The following BST1 variants were observed in gnomAD, a reference collection of about 807,000 sequenced individuals.
BST1 encodes the protein bone marrow stromal cell antigen 1.
BST1 carries 49 observed loss-of-function variants against 40.6 expected under a neutral mutation model. That is an observed-to-expected ratio of 1.21 (90% confidence interval 0.96 to 1.53). The LOEUF (loss-of-function observed/expected upper bound fraction) is 1.53. BST1 is among the 40% of genes most tolerant of loss of function. The pLI, the probability that BST1 is intolerant of heterozygous loss-of-function variation, is 0.00. For missense variants in BST1, 423 were observed against 395.9 expected (o/e 1.07, Z -0.58); for synonymous variants, 157 against 159.3 (o/e 0.99, Z 0.11).
exon 7 of BST1, chr4:15,737,878 T>C: frequency 8.5e-7 from 1 of 1,182,358 alleles, no homozygotes; most frequent in Admixed American, 2.3e-5. Flanking sequence ...GAAGCCGAAA[T>C]CTCCAGAGGC....
intron 7 of BST1, among the ~76,000 whole-genome samples, chr4:15,719,517 A>T (rs1045285578): frequency 1.2e-4 from 18 of 151,794 alleles, no homozygotes; most frequent in South Asian, 2.1e-4. Flanking sequence ...TTTTTTTTTT[A>T]AAAAACTTGG....
intron 3 of BST1, 63 bp from the exon 4 acceptor site, chr4:15,711,744 G>A (rs1720217975): frequency 1.5e-6 from 2 of 1,326,308 alleles, no homozygotes; most frequent in African/African-American, 1.5e-5. Flanking sequence ...TATATTGTAA[G>A]TTAATTCTTC....
chr4:15,768,480 C>CTTTTTTTTTTTTTTTTTT, the BST1 span, among the ~76,000 whole-genome samples: 1 of 91,054 alleles, frequency 1.1e-5, no homozygotes, highest in Non-Finnish European at 2.0e-5. Context: ...TGGACAGTAT[C>CTTTTTTTTTTTTTTTTTT]TTTTTTTTTT....
At chr4:15,744,559 A>G in the BST1 span, among the ~76,000 whole-genome samples, 1 of 152,176 alleles carries the variant, frequency 6.6e-6, no homozygotes, top group Non-Finnish European at 1.5e-5. Context: ...ACAATTTAAG[A>G]TGAGATTTTG....
the BST1 span, among the ~76,000 whole-genome samples, chr4:15,756,112 A>T: frequency 6.6e-6 from 1 of 152,248 alleles, no homozygotes; most frequent in Non-Finnish European, 1.5e-5. Flanking sequence ...AAACTGAAAC[A>T]AACAAAACAC....
chr4:15,766,474 A>G, the BST1 span, among the ~76,000 whole-genome samples: 3 of 151,974 alleles, frequency 2.0e-5, no homozygotes, highest in African/African-American at 7.3e-5. Flanking sequence ...AATGAAGGGC[A>G]GGCAGCCCAA....
At chr4:15,739,555 G>A (rs1177888231), downstream of BST1, among the ~76,000 whole-genome samples, 2 of 7,822 alleles carry the variant, frequency 2.6e-4, no homozygotes, top group African/African-American at 4.2e-4. Context: ...AAGCCAAACC[G>A]TGTGTGTGTG....
chr4:15,709,753 T>C (rs1437120171), intron 3 of BST1, among the ~76,000 whole-genome samples: 1 of 152,080 alleles, frequency 6.6e-6, no homozygotes, highest in Non-Finnish European at 1.5e-5. Flanking sequence ...CCAGCAGCAA[T>C]GGTGATGGGG....
chr4:15,746,620 G>T, the BST1 span, among the ~76,000 whole-genome samples: 1 of 152,080 alleles, frequency 6.6e-6, no homozygotes, highest in Non-Finnish European at 1.5e-5. Flanking sequence ...CCTCTTAAAG[G>T]CCCCACCCCT....
rs1398875357 is a variant in BST1, at chr4:15,732,762, T to TA, written c.*923dup. 2 of 152,200 alleles carry TA rather than the reference T, an allele frequency of 1.3e-5. No individual in the cohort carries two copies. Among genetic ancestry groups the TA allele is most frequent in the East Asian group, 1.9e-4 (1 of 5,204 alleles). 9.4% of individuals were successfully genotyped at this position (152,200 alleles called of 1,614,324 possible). ...ACTGGGTAATTTACAAAAATAAAAA[T>TA]AAAAAAGAGGTTTAATTGACTCACA... On this transcript the variant is annotated 3_prime_UTR_variant, in exon 9 of 9. Transcript: ENST00000265016.
intron 8 of BST1, among the ~76,000 whole-genome samples, chr4:15,730,396 A>T (rs1560288422): frequency 6.6e-6 from 1 of 152,182 alleles, no homozygotes; most frequent in Non-Finnish European, 1.5e-5. Flanking sequence ...TCATGTCAGG[A>T]CAGGTTTTTC....
Position 15,705,620 on chromosome 4 carries a change from G to A in BST1, c.294G>A (p.Arg98=). ...ATGACCTTTTTATTAACTTGTCCAG[G>A]CACTCTATTCCCAGAGATAAGGTAA... ...SDYDLFINLS[R]HSIPRDKSLF... is the part of the protein sequence containing the mutation. Residue 98 remains arginine, a synonymous_variant, in exon 2 of 9, where the codon AGG becomes AGA. Transcript: ENST00000265016. 6.2e-7 allele frequency: 1 copy of A among 1,614,006 alleles called. No homozygotes were observed. The highest frequency in any genetic ancestry group is 8.5e-7 in the Non-Finnish European group (1 of 1,179,912).
the BST1 span, among the ~76,000 whole-genome samples, chr4:15,770,033 T>G: frequency 1.3e-5 from 2 of 152,174 alleles, no homozygotes; most frequent in East Asian, 3.9e-4. Context: ...AGAGACGTGG[T>G]TTCACCATGT....
intron 8 of BST1, chr4:15,731,069 C>T: frequency 2.0e-6 from 1 of 500,628 alleles, no homozygotes; most frequent in Non-Finnish European, 3.7e-6. Flanking sequence ...AAGAAGTTGA[C>T]AGGCAGGTGA....
intron 7 of BST1, among the ~76,000 whole-genome samples, chr4:15,721,472 C>T (rs973597369): frequency 9.9e-5 from 15 of 152,134 alleles, no homozygotes; most frequent in African/African-American, 3.1e-4. Flanking sequence ...GAATACTATG[C>T]AGCCATAAAA....
rs574878015 is a variant in BST1 at position 15,715,590 on chromosome 4, A to G, written c.612-117A>G. ...AAAAAGTAACCTAAAAATAAAAGCT[A>G]AAGAAGAAAAACTTCTAAAAGCTCT... On this transcript the variant is annotated intron_variant, in intron 5 of 8. Transcript: ENST00000265016. The G allele has an allele frequency of 4.2e-5, 37 of 879,838 alleles. 1 individual carries two copies. The South Asian group carries it at 7.3e-4, about 17-fold the overall frequency. The allele number at this position is 879,838 out of a possible 1,614,324, so 54.5% of individuals were successfully genotyped here. A position where few individuals can be genotyped will look rare whatever the true frequency, so the allele number is the denominator to read the frequency against.
the BST1 span, among the ~76,000 whole-genome samples, chr4:15,762,954 T>C: frequency 2.0e-5 from 3 of 152,060 alleles, no homozygotes; most frequent in African/African-American, 7.3e-5. Context: ...CATCCATTGG[T>C]GAATATGATG....
downstream of BST1, chr4:15,737,754 C>T (rs149752494): frequency 2.4e-4 from 312 of 1,280,690 alleles, 3 homozygotes; most frequent in African/African-American, 3.5e-3. Flanking sequence ...GCACGATAGA[C>T]TTGGTAACAA....
Position 15,731,766 on chromosome 4 carries a change from C to T in BST1, c.878C>T (p.Ala293Val). ...KSAAAATQRK[A>V]PSLYTEQRAG... ...GCAGCAGCCGCTACTCAAAGAAAAGCCCCAAGTCTTTATACAGAACAAAGG... is the reference window on the plus strand; with the variant it reads ...GCAGCAGCCGCTACTCAAAGAAAAGTCCCAAGTCTTTATACAGAACAAAGG... The change falls in exon 9 of 9, where the codon GCC becomes GTC. Residue 293 changes from alanine (A) to valine (V), a missense_variant. Transcript: ENST00000265016. 6.2e-7 allele frequency: 1 copy of T among 1,613,512 alleles called. No individual in the cohort carries two copies. Among genetic ancestry groups the T allele is most frequent in the Non-Finnish European group, 8.5e-7 (1 of 1,179,788 alleles).
Sources: gnomAD v4.1 joint callset for allele counts (sites outside exome capture counted in the v4.1 genomes callset) on GRCh38, gnomAD v4.1.1 for gene constraint, MANE v1.5 for transcripts, NCBI Gene and HGNC (gene_info 2026-07-23, HGNC 2026-07-21) for gene names.